The following SLC2A9 variants were observed in gnomAD, a reference collection of about 807,000 sequenced individuals.
SLC2A9 encodes solute carrier family 2, facilitated glucose transporter member 9.
Under a neutral mutation model 50.6 loss-of-function variants are expected in SLC2A9, and 39 were observed. The observed-to-expected ratio is 0.77, with a 90% CI of 0.60 to 1.01. SLC2A9 has a LOEUF of 1.01. SLC2A9 is among the 50% of genes least tolerant of loss of function. The probability of loss-of-function intolerance (pLI) is 0.00; values close to 1 mark genes in which losing one functional copy is unlikely to be tolerated. For synonymous variants in SLC2A9, 324 were observed against 276.9 expected, an observed-to-expected ratio of 1.17 and a Z score of -1.69; for missense variants, 686 against 677.6, an observed-to-expected ratio of 1.01 and a Z score of -0.14.
At chr4:9,867,130 GTTTATT>G (rs1372932817) in intron 10 of SLC2A9, among the ~76,000 whole-genome samples, 1 of 152,194 alleles carries the variant, frequency 6.6e-6, no homozygotes, top group Non-Finnish European at 1.5e-5. Context: ...CATCCTAGCA[GTTTATT>G]TTTGACACCT....
intron 3 of SLC2A9, among the ~76,000 whole-genome samples, chr4:9,799,699 C>CG (rs1560128468): frequency 1.3e-5 from 1 of 76,670 alleles, no homozygotes; most frequent in Non-Finnish European, 3.2e-5. Context: ...TGTACCCCCC[C>CG]CCCACCCAAC....
chr4:9,931,985 T>TATATATATATATATATATATATATAG (rs1553879027), intron 6 of SLC2A9, among the ~76,000 whole-genome samples: 1 of 95,682 alleles, frequency 1.0e-5, no homozygotes, highest in Non-Finnish European at 2.2e-5. Flanking sequence ...TATATATATA[T>TATATATATATATATATATATATATAG]ATATATATAT....
At position 9,979,655 on chromosome 4, in the gene SLC2A9, T is replaced by C. The variant is rs114216320; in HGVS notation, c.681+937A>G. 9.4e-3 allele frequency among the ~76,000 whole-genome samples: 1,426 copies of C among 151,942 alleles called. 24 individuals are homozygous for C. Among genetic ancestry groups the C allele is most frequent in the African/African-American group, 0.033 (1,375 of 41,422 alleles). On this transcript the variant is annotated intron_variant, in intron 5 of 11. Coordinates refer to ENST00000264784, the MANE Select transcript of SLC2A9 (RefSeq NM_020041.3). ...TCTCTCCTCCCCACCCTTCCCACTC[T>C]AGTCTACACCCACCGCCTCCACCCC...
At chr4:9,991,755 G>A (rs1208438925) in intron 3 of SLC2A9, among the ~76,000 whole-genome samples, 1 of 152,240 alleles carries the variant, frequency 6.6e-6, no homozygotes, top group African/African-American at 2.4e-5. Flanking sequence ...CACACAGGGA[G>A]CACACAGCGA....
intron 5 of SLC2A9, among the ~76,000 whole-genome samples, chr4:9,962,456 C>T (rs1301614843): frequency 2.6e-5 from 4 of 152,130 alleles, no homozygotes; most frequent in African/African-American, 9.7e-5. Context: ...CCTCAGCAAA[C>T]TAACACAGAA....
At chr4:9,839,380 T>C (rs1727640824) in intron 10 of SLC2A9, among the ~76,000 whole-genome samples, 1 of 152,118 alleles carries the variant, frequency 6.6e-6, no homozygotes, top group South Asian at 2.1e-4. Context: ...TTATACACTG[T>C]TCGTGGGAGT....
chr4:9,858,315 T>G (rs368263029), intron 10 of SLC2A9, among the ~76,000 whole-genome samples: 1 of 152,224 alleles, frequency 6.6e-6, no homozygotes, highest in East Asian at 1.9e-4. Flanking sequence ...ATTGATGCTG[T>G]GAACGCATTT....
intron 10 of SLC2A9, among the ~76,000 whole-genome samples, chr4:9,842,530 G>A (rs1198099309): frequency 6.6e-6 from 1 of 152,178 alleles, no homozygotes; most frequent in East Asian, 1.9e-4. Context: ...TCAGGGAATA[G>A]AGGGCCTTGC....
downstream of SLC2A9, among the ~76,000 whole-genome samples, chr4:9,796,768 C>G (rs1720644452): frequency 6.6e-6 from 1 of 152,134 alleles, no homozygotes. Flanking sequence ...ACTTGGCTGT[C>G]ATGAGAGGAT....
chr4:10,029,339 A>G (rs1376289989), intron 1 of SLC2A9: 1 of 152,166 alleles, frequency 6.6e-6, no homozygotes, highest in Non-Finnish European at 1.5e-5. Context: ...CACAGTCTCC[A>G]ACCAAACCAT....
intron 5 of SLC2A9, among the ~76,000 whole-genome samples, chr4:9,959,654 C>T (rs1382548909): frequency 6.6e-6 from 1 of 152,184 alleles, no homozygotes; most frequent in African/African-American, 2.4e-5. Flanking sequence ...TTTTTTCAAT[C>T]ATTTGCTTGC....
intron 5 of SLC2A9, among the ~76,000 whole-genome samples, chr4:9,972,943 T>C (rs1754151327): frequency 1.3e-5 from 2 of 152,082 alleles, no homozygotes; most frequent in South Asian, 2.1e-4. Flanking sequence ...GAAACAGCTA[T>C]AAAATCAGAA....
At chr4:10,020,056 G>GTC (rs1407221549) in intron 1 of SLC2A9, among the ~76,000 whole-genome samples, 3 of 149,508 alleles carry the variant, frequency 2.0e-5, no homozygotes, top group Non-Finnish European at 4.4e-5. Flanking sequence ...GTGTGTGTGT[G>GTC]TGTGTGTGTG....
chr4:9,880,614 A>T (rs1735040018), intron 10 of SLC2A9: 5 of 969,504 alleles, frequency 5.2e-6, no homozygotes, highest in Non-Finnish European at 6.1e-6. Context: ...AGATATGCAG[A>T]TGAGTCCAAT....
In SLC2A9 at chr4:9,999,349, T is replaced by C. The variant is rs538861565; in HGVS notation, c.250-2408A>G. On this transcript the variant is annotated intron_variant, in intron 2 of 11. Transcript: ENST00000264784. ...GACCTTTTATTCTTAACCTGGATTG[T>C]GACATGAGTGTTAGATTTATACTCA... Among the ~76,000 whole-genome samples the C allele has an allele frequency of 1.1e-4, 17 of 152,308 alleles. No homozygotes were observed. The South Asian group carries it at 2.5e-3, about 22-fold the overall frequency.
chr4:9,920,296 A>T (rs1743676970), intron 7 of SLC2A9, 89 bp downstream of exon 7: 12 of 1,424,244 alleles, frequency 8.4e-6, no homozygotes, highest in Non-Finnish European at 1.2e-5. Flanking sequence ...TGAGATTTGA[A>T]CCTGGGCGTC....
At chr4:9,888,026 CA>C (rs926211423) in intron 9 of SLC2A9, among the ~76,000 whole-genome samples, 1 of 149,450 alleles carries the variant, frequency 6.7e-6, no homozygotes, top group African/African-American at 2.5e-5. Context: ...AACCGAAAAC[CA>C]AACCCCACAT....
chr4:9,957,926 G>T (rs1040463129), intron 5 of SLC2A9, among the ~76,000 whole-genome samples: 10 of 151,986 alleles, frequency 6.6e-5, no homozygotes, highest in Non-Finnish European at 5.9e-5. Context: ...AAGGAAATGA[G>T]TATTGAGAAT....
chr4:9,936,066 A>C (rs1215728352), intron 6 of SLC2A9, among the ~76,000 whole-genome samples: 1 of 152,098 alleles, frequency 6.6e-6, no homozygotes, highest in Admixed American at 6.5e-5. Flanking sequence ...CTCCTGCGAG[A>C]AATTGGAGCC....
Sources: allele counts gnomAD v4.1 joint callset (sites outside exome capture counted in the v4.1 genomes callset), GRCh38; gene constraint gnomAD v4.1.1; transcripts MANE v1.5; gene names NCBI Gene and HGNC (gene_info 2026-07-23, HGNC 2026-07-21).